GPC6: variants seen among roughly 807,000 people sequenced by gnomAD.
GPC6 encodes glypican 6.
GPC6 carries 14 observed loss-of-function variants against 55.2 expected under a neutral mutation model. The ratio of observed to expected loss-of-function variants is 0.25; its 90% CI spans 0.17 to 0.40. GPC6 has a LOEUF of 0.40. Among genes scored for constraint, GPC6 ranks in the 10% least tolerant of loss-of-function variants. The pLI is 1.00. For missense variants in GPC6, 641 were observed against 708.5 expected, an observed-to-expected ratio of 0.90 and a Z score of 1.08; for synonymous variants, 278 against 259.6, an observed-to-expected ratio of 1.07 and a Z score of -0.68.
chr13:94,075,171 T>C (rs1594715967), intron 4 of GPC6, among the ~76,000 whole-genome samples: 2 of 152,366 alleles, frequency 1.3e-5, no homozygotes, highest in East Asian at 3.9e-4. Context: ...AATGTAATAA[T>C]ACAGTAAGCT....
At chr13:93,835,702 A>G (rs1416658771) in intron 3 of GPC6, among the ~76,000 whole-genome samples, 2 of 152,194 alleles carry the variant, frequency 1.3e-5, no homozygotes, top group African/African-American at 2.4e-5. Flanking sequence ...CAGTGAGCCA[A>G]GATCACGCCA....
chr13:94,308,847 CAG>C (rs1318767692), intron 6 of GPC6, among the ~76,000 whole-genome samples: 2 of 152,222 alleles, frequency 1.3e-5, no homozygotes, highest in Non-Finnish European at 2.9e-5. Flanking sequence ...AAGCTAATAA[CAG>C]AGTCTCAGCA....
intron 3 of GPC6, among the ~76,000 whole-genome samples, chr13:93,841,413 G>A (rs938443621): frequency 6.6e-6 from 1 of 152,058 alleles, no homozygotes; most frequent in East Asian, 1.9e-4. Context: ...TGCAAGCAAG[G>A]GTTATTCCTT....
At chr13:93,736,762 A>G (rs1884018033) in intron 2 of GPC6, among the ~76,000 whole-genome samples, 1 of 152,200 alleles carries the variant, frequency 6.6e-6, no homozygotes, top group African/African-American at 2.4e-5. Flanking sequence ...TGTTTATGGT[A>G]AGAATTTTGA....
At chr13:93,709,044 G>T (rs1382838114) in intron 2 of GPC6, among the ~76,000 whole-genome samples, 2 of 151,722 alleles carry the variant, frequency 1.3e-5, no homozygotes, top group African/African-American at 4.8e-5. Flanking sequence ...TCTCAATGTA[G>T]ACCCAGTTAA....
At chr13:94,300,437 C>T (rs1031155009) in intron 5 of GPC6, among the ~76,000 whole-genome samples, 1 of 152,192 alleles carries the variant, frequency 6.6e-6, no homozygotes, top group Non-Finnish European at 1.5e-5. Context: ...CACCACACCT[C>T]CTCTTCCTTC....
At chr13:93,464,956 C>G (rs1222457250) in intron 1 of GPC6, among the ~76,000 whole-genome samples, 1 of 152,128 alleles carries the variant, frequency 6.6e-6, no homozygotes, top group Non-Finnish European at 1.5e-5. Context: ...CAACATGTAC[C>G]TCTCTGTCCA....
chr13:94,372,936 A>AC (rs1555325626), intron 6 of GPC6, among the ~76,000 whole-genome samples: 3 of 151,952 alleles, frequency 2.0e-5, no homozygotes, highest in Admixed American at 2.0e-4. Context: ...ACTGGGAGGC[A>AC]CCCCCCAGCA....
At chr13:93,596,604 TAAATAA>T (rs1262934845) in intron 2 of GPC6, among the ~76,000 whole-genome samples, 2 of 57,702 alleles carry the variant, frequency 3.5e-5, no homozygotes, top group African/African-American at 2.1e-4. Flanking sequence ...AATAAATAAA[TAAATAA>T]ATATATATAT....
chr13:93,789,480 GAA>G, intron 2 of GPC6, among the ~76,000 whole-genome samples: 1 of 109,976 alleles, frequency 9.1e-6, no homozygotes, highest in African/African-American at 3.8e-5. Context: ...ATATGTGAGT[GAA>G]CTCTCTCTCT....
intron 3 of GPC6, among the ~76,000 whole-genome samples, chr13:93,939,882 T>A (rs1878644513): frequency 6.6e-6 from 1 of 152,176 alleles, no homozygotes; most frequent in Non-Finnish European, 1.5e-5. Flanking sequence ...AAAGCTTTTT[T>A]TCAGACAGGG....
chr13:94,302,886 G>A (rs927214559), intron 5 of GPC6, among the ~76,000 whole-genome samples: 6 of 152,234 alleles, frequency 3.9e-5, no homozygotes, highest in East Asian at 3.9e-4. Flanking sequence ...CGTGGGTCAC[G>A]GAAGAGAACC....
chr13:93,726,139 CACACACACACACAT>C (rs1436159957), intron 2 of GPC6, among the ~76,000 whole-genome samples: 2 of 147,234 alleles, frequency 1.4e-5, no homozygotes, highest in Non-Finnish European at 3.0e-5. Context: ...CACACACACA[CACACACACACACAT>C]ATCAAGCAAA....
chr13:93,448,639 T>C (rs890285505), intron 1 of GPC6, among the ~76,000 whole-genome samples: 2 of 152,220 alleles, frequency 1.3e-5, no homozygotes, highest in East Asian at 1.9e-4. Context: ...GTAAATATTG[T>C]CAAACAAGAC....
At chr13:93,478,219 C>G (rs1441455364) in intron 1 of GPC6, among the ~76,000 whole-genome samples, 1 of 152,116 alleles carries the variant, frequency 6.6e-6, no homozygotes, top group Non-Finnish European at 1.5e-5. Flanking sequence ...TAGTTCTAGT[C>G]TCCAGTGAAA....
At chr13:93,635,910 C>T (rs1219959775) in intron 2 of GPC6, among the ~76,000 whole-genome samples, 3 of 152,130 alleles carry the variant, frequency 2.0e-5, no homozygotes, top group Middle Eastern at 3.2e-3. Flanking sequence ...CTTTCTCCAG[C>T]GCTCTGTGCT....
intron 3 of GPC6, among the ~76,000 whole-genome samples, chr13:93,977,508 G>A (rs1880576718): frequency 2.1e-5 from 3 of 141,634 alleles, no homozygotes; most frequent in Admixed American, 2.1e-4. Flanking sequence ...GTGTGTGTGT[G>A]TGTGTGTGTG....
chr13:93,838,087 G>A (rs1459563063), intron 3 of GPC6, among the ~76,000 whole-genome samples: 4 of 152,176 alleles, frequency 2.6e-5, no homozygotes, highest in South Asian at 2.1e-4. Context: ...GTGGATAGAA[G>A]CATTCCAGTA....
At chr13:93,249,310 G>A (rs1281474346) in intron 1 of GPC6, among the ~76,000 whole-genome samples, 1 of 152,128 alleles carries the variant, frequency 6.6e-6, no homozygotes, top group Non-Finnish European at 1.5e-5. Flanking sequence ...TAAATTGATT[G>A]ATTTTAATCC....
Sources: gnomAD v4.1 joint callset for allele counts (sites outside exome capture counted in the v4.1 genomes callset) on GRCh38, gnomAD v4.1.1 for gene constraint, MANE v1.5 for transcripts, NCBI Gene and HGNC (gene_info 2026-07-23, HGNC 2026-07-21) for gene names.